CNBD1: variants seen among roughly 807,000 people sequenced by gnomAD.
CNBD1 encodes cyclic nucleotide binding domain containing 1.
CNBD1 carries 71 observed loss-of-function variants against 54.4 expected under a neutral mutation model. The ratio of observed to expected loss-of-function variants is 1.30; its 90% CI spans 1.08 to 1.59. The LOEUF (loss-of-function observed/expected upper bound fraction) is 1.59. Ranked by LOEUF, CNBD1 falls within the 40% of genes most tolerant of loss-of-function variation. The probability of loss-of-function intolerance (pLI) is 0.00; values close to 1 mark genes in which losing one functional copy is unlikely to be tolerated. For missense variants in CNBD1, 659 were observed against 518.0 expected, an observed-to-expected ratio of 1.27 and a Z score of -2.64; for synonymous variants, 182 against 170.7, an observed-to-expected ratio of 1.07 and a Z score of -0.51.
At chr8:87,241,268 A>ATTTTTTTTTTTTTTTTTTTTTTTTTTTT (rs34829455) in intron 6 of CNBD1, among the ~76,000 whole-genome samples, 2 of 93,864 alleles carry the variant, frequency 2.1e-5, no homozygotes, top group Admixed American at 1.2e-4. Flanking sequence ...TATTTGGAAG[A>ATTTTTTTTTTTTTTTTTTTTTTTTTTTT]TTTTTTTTTT....
chr8:86,928,454 T>A (rs1312969833), intron 3 of CNBD1, among the ~76,000 whole-genome samples: 1 of 152,102 alleles, frequency 6.6e-6, no homozygotes, highest in African/African-American at 2.4e-5. Context: ...TTATATTGTA[T>A]CCCTAGCGCC....
chr8:87,372,454 A>C (rs1310238672), intron 10 of CNBD1, among the ~76,000 whole-genome samples: 4 of 151,876 alleles, frequency 2.6e-5, no homozygotes, highest in African/African-American at 4.8e-5. Flanking sequence ...AATACTTTAT[A>C]ATGTTTGTTC....
chr8:87,228,217 G>A (rs972562107), intron 5 of CNBD1, among the ~76,000 whole-genome samples: 174 of 150,080 alleles, frequency 1.2e-3, no homozygotes, highest in African/African-American at 3.4e-3. Flanking sequence ...TAATTTGATC[G>A]TCTGAAGCCT....
At chr8:87,321,998 A>T (rs200483935) in intron 8 of CNBD1, among the ~76,000 whole-genome samples, 1 of 136,506 alleles carries the variant, frequency 7.3e-6, no homozygotes, top group Non-Finnish European at 1.6e-5. Flanking sequence ...ATTCCCCTTC[A>T]TGTGTCCATG....
chr8:87,342,857 G>T (rs897696886), intron 8 of CNBD1, among the ~76,000 whole-genome samples: 1 of 152,138 alleles, frequency 6.6e-6, no homozygotes, highest in Non-Finnish European at 1.5e-5. Flanking sequence ...TGCACGCATT[G>T]TCTTGATAAA....
intron 6 of CNBD1, among the ~76,000 whole-genome samples, chr8:87,261,107 C>T (rs907934881): frequency 6.6e-6 from 1 of 152,122 alleles, no homozygotes; most frequent in African/African-American, 2.4e-5. Context: ...TAACTAAATT[C>T]AAGACAGTTA....
intron 4 of CNBD1, among the ~76,000 whole-genome samples, chr8:87,024,906 G>A (rs1360852598): frequency 2.6e-5 from 4 of 152,114 alleles, no homozygotes; most frequent in African/African-American, 9.7e-5. Flanking sequence ...TTAATTAAAT[G>A]CTCAAGTTAA....
chr8:86,942,711 G>A (rs977553939), intron 4 of CNBD1, among the ~76,000 whole-genome samples: 1 of 152,140 alleles, frequency 6.6e-6, no homozygotes, highest in South Asian at 2.1e-4. Context: ...ATCGGGTTTT[G>A]CAGTATTCCC....
chr8:86,978,534 CTTTTTTTTTTT>C (rs71277907), intron 4 of CNBD1, among the ~76,000 whole-genome samples: 2 of 66,708 alleles, frequency 3.0e-5, no homozygotes, highest in African/African-American at 6.2e-5. Flanking sequence ...ATGCTTTTAT[CTTTTTTTTTTT>C]TTTTTTTTTT....
chr8:87,370,940 A>G (rs1349430957), intron 10 of CNBD1, among the ~76,000 whole-genome samples: 1 of 150,968 alleles, frequency 6.6e-6, no homozygotes, highest in East Asian at 1.9e-4. Context: ...TCAGCTTTCT[A>G]CATATGGCTA....
intron 4 of CNBD1, among the ~76,000 whole-genome samples, chr8:87,113,334 C>T (rs901697897): frequency 6.6e-6 from 1 of 152,164 alleles, no homozygotes; most frequent in African/African-American, 2.4e-5. Flanking sequence ...ATTAGTAGGT[C>T]AGCTTTTGGA....
At chr8:86,892,011 A>T (rs1294630329) in intron 2 of CNBD1, among the ~76,000 whole-genome samples, 2 of 151,854 alleles carry the variant, frequency 1.3e-5, no homozygotes, top group African/African-American at 4.8e-5. Flanking sequence ...GCAAATAGAG[A>T]GTTTCCCTGC....
At chr8:86,917,420 G>A (rs1809204396) in intron 3 of CNBD1, among the ~76,000 whole-genome samples, 2 of 152,304 alleles carry the variant, frequency 1.3e-5, no homozygotes, top group Non-Finnish European at 1.5e-5. Flanking sequence ...AGAGAGAATA[G>A]TACAGAACTG....
At chr8:87,418,756 A>G (rs111667840) in intron 2 of CNBD1, among the ~76,000 whole-genome samples, 2,768 of 152,086 alleles carry the variant, frequency 0.018, 85 homozygotes, top group African/African-American at 0.06. Context: ...ACATTGTGAT[A>G]CCACTTTACA....
intron 8 of CNBD1, among the ~76,000 whole-genome samples, chr8:87,311,815 G>T (rs541893510): frequency 6.6e-6 from 1 of 151,916 alleles, no homozygotes; most frequent in South Asian, 2.1e-4. Context: ...TGCAGCTGGC[G>T]GTCATTAACC....
chr8:87,337,474 G>T (rs1020915287), intron 8 of CNBD1, among the ~76,000 whole-genome samples: 1 of 152,168 alleles, frequency 6.6e-6, no homozygotes, highest in Non-Finnish European at 1.5e-5. Context: ...AGCTCAGATG[G>T]CTTAGACTGC....
At chr8:87,029,285 T>C (rs1347254804) in intron 4 of CNBD1, among the ~76,000 whole-genome samples, 1 of 152,190 alleles carries the variant, frequency 6.6e-6, no homozygotes, top group East Asian at 1.9e-4. Flanking sequence ...TGCAGTATTA[T>C]GTAGGAGAAG....
rs1808660695 is a variant in CNBD1 at position 87,284,785 on chromosome 8, C to T, written c.879C>T (p.Ile293=). 2 of 1,592,608 alleles carry T rather than the reference C, an allele frequency of 1.3e-6. No individual in the cohort carries two copies. Among genetic ancestry groups the T allele is most frequent in the Non-Finnish European group, 8.6e-7 (1 of 1,169,210 alleles). ...AAGACGATTGTGAAATTCTTAAAAT[C>T]CCAGCAAAGGGATATGCAAAGATAA... ...VTEDDCEILK[I]PAKGYAKIKE... Residue 293 remains isoleucine (I), a synonymous_variant, in exon 7 of 11, where the codon ATC becomes ATT. Coordinates refer to ENST00000518476, the MANE Select transcript of CNBD1 (RefSeq NM_173538.3).
At chr8:87,359,057 C>G (rs1347319182) in intron 10 of CNBD1, among the ~76,000 whole-genome samples, 2 of 152,278 alleles carry the variant, frequency 1.3e-5, no homozygotes, top group Non-Finnish European at 2.9e-5. Flanking sequence ...GTTTTACCAG[C>G]TATCTGGGCA....
Sources: gnomAD v4.1 joint callset for allele counts (sites outside exome capture counted in the v4.1 genomes callset) on GRCh38, gnomAD v4.1.1 for gene constraint, MANE v1.5 for transcripts, NCBI Gene and HGNC (gene_info 2026-07-23, HGNC 2026-07-21) for gene names.